DIP2C: variants seen among roughly 807,000 people sequenced by gnomAD.
DIP2C encodes disco-interacting protein 2 homolog C.
A neutral mutation model predicts 192.4 loss-of-function variants in DIP2C; 33 were observed. The observed-to-expected ratio is 0.17, with a 90% CI of 0.13 to 0.23. DIP2C has a LOEUF of 0.23. Among genes scored for constraint, DIP2C ranks in the 10% least tolerant of loss-of-function variants. The probability of loss-of-function intolerance (pLI) is 1.00; values close to 1 mark genes in which losing one functional copy is unlikely to be tolerated. For synonymous variants in DIP2C, 979 were observed against 864.1 expected, an observed-to-expected ratio of 1.13 and a Z score of -2.33; for missense variants, 1,537 against 2,110.1, an observed-to-expected ratio of 0.73 and a Z score of 5.32.
chr10:361,669 A>G (rs1959532047), intron 22 of DIP2C, among the ~76,000 whole-genome samples: 1 of 152,180 alleles, frequency 6.6e-6, no homozygotes, highest in Non-Finnish European at 1.5e-5. Flanking sequence ...GATACCCTGG[A>G]GAGCGCTGAC....
At chr10:426,841 C>T (rs1439730001) in intron 4 of DIP2C, among the ~76,000 whole-genome samples, 1 of 152,066 alleles carries the variant, frequency 6.6e-6, no homozygotes, top group African/African-American at 2.4e-5. Context: ...ATCCCCCAAA[C>T]CAAACCACAA....
intron 31 of DIP2C, among the ~76,000 whole-genome samples, chr10:324,080 G>A (rs947157276): frequency 3.3e-5 from 5 of 152,118 alleles, no homozygotes; most frequent in Admixed American, 2.6e-4. Context: ...GTTCCTGACT[G>A]CCCTCCCCCA....
At chr10:518,273 C>G (rs943237942) in intron 1 of DIP2C, among the ~76,000 whole-genome samples, 1 of 152,234 alleles carries the variant, frequency 6.6e-6, no homozygotes, top group East Asian at 1.9e-4. Context: ...CTGACTCCTT[C>G]GTGAAAAGCG....
At chr10:419,014 T>A (rs1321102698) in intron 6 of DIP2C, 51 bp downstream of exon 6, 1 of 1,612,664 alleles carries the variant, frequency 6.2e-7, no homozygotes, top group Admixed American at 1.7e-5. Flanking sequence ...GAACGGGACG[T>A]CAGCACAAAC....
intron 32 of DIP2C, among the ~76,000 whole-genome samples, chr10:301,385 G>A (rs1446527743): frequency 1.3e-5 from 2 of 152,202 alleles, no homozygotes; most frequent in African/African-American, 2.4e-5. Flanking sequence ...TTAAGCAGAC[G>A]GTAGATGGTT....
intron 1 of DIP2C, among the ~76,000 whole-genome samples, chr10:642,405 C>G (rs1324304455): frequency 6.6e-6 from 1 of 152,254 alleles, no homozygotes; most frequent in South Asian, 2.1e-4. Flanking sequence ...ACACGCCCAT[C>G]TCATCTAATG....
At chr10:536,373 C>G (rs71494914) in intron 1 of DIP2C, among the ~76,000 whole-genome samples, 9,462 of 151,262 alleles carry the variant, frequency 0.063, 410 homozygotes, top group Middle Eastern at 0.092. Context: ...ATAGGGACAT[C>G]ACAGTCCCGG....
chr10:499,117 C>T (rs948133837), intron 1 of DIP2C, among the ~76,000 whole-genome samples: 3 of 152,210 alleles, frequency 2.0e-5, no homozygotes, highest in Admixed American at 6.5e-5. Context: ...TCAATGAGAA[C>T]AGTATGGCTG....
intron 17 of DIP2C, among the ~76,000 whole-genome samples, chr10:378,195 A>G (rs1361769750): frequency 1.3e-5 from 2 of 152,242 alleles, no homozygotes; most frequent in Admixed American, 6.5e-5. Flanking sequence ...ACAAAATATA[A>G]CAGGACAGTG....
chr10:410,526 G>T (rs1965118411), intron 8 of DIP2C, among the ~76,000 whole-genome samples: 2 of 152,190 alleles, frequency 1.3e-5, no homozygotes, highest in Admixed American at 6.5e-5. Context: ...AATTCAGGGA[G>T]TATTTTTTCC....
chr10:507,016 AAG>A (rs922261554), intron 1 of DIP2C, among the ~76,000 whole-genome samples: 19 of 148,310 alleles, frequency 1.3e-4, no homozygotes, highest in African/African-American at 3.5e-4. Context: ...TGTGCACGAT[AAG>A]AGGTGTGAGG....
At chr10:385,137 G>A (rs75602032) in intron 14 of DIP2C, among the ~76,000 whole-genome samples, 9 of 145,838 alleles carry the variant, frequency 6.2e-5, no homozygotes, top group East Asian at 2.1e-4. Flanking sequence ...CACCGTGGAC[G>A]CCAGGCTGCA....
At chr10:556,831 T>C (rs1024397307) in intron 1 of DIP2C, among the ~76,000 whole-genome samples, 2 of 152,178 alleles carry the variant, frequency 1.3e-5, no homozygotes, top group African/African-American at 2.4e-5. Flanking sequence ...GAGAGGAACA[T>C]GCTGTGAGCC....
chr10:356,182 G>A, intron 24 of DIP2C: 12 of 591,826 alleles, frequency 2.0e-5, no homozygotes, highest in Non-Finnish European at 3.6e-5. Context: ...TCATTTTGGG[G>A]GAGAAATATT....
intron 1 of DIP2C, among the ~76,000 whole-genome samples, chr10:592,746 A>G (rs985934633): frequency 5.3e-5 from 8 of 152,104 alleles, no homozygotes; most frequent in Non-Finnish European, 1.2e-4. Context: ...ATTTTTCCCA[A>G]CTGTTCCTTT....
At chr10:427,415 G>T (rs1341728557) in intron 4 of DIP2C, among the ~76,000 whole-genome samples, 1 of 152,156 alleles carries the variant, frequency 6.6e-6, no homozygotes, top group African/African-American at 2.4e-5. Context: ...AGGTTCAAAA[G>T]CTCTGGGGAG....
intron 31 of DIP2C, among the ~76,000 whole-genome samples, chr10:323,692 A>G (rs555844444): frequency 6.6e-6 from 1 of 152,350 alleles, no homozygotes; most frequent in Non-Finnish European, 1.5e-5. Flanking sequence ...TTTATAAGCT[A>G]AAGTGTATTT....
chr10:352,099 G>T (rs1958840464), intron 24 of DIP2C, among the ~76,000 whole-genome samples: 1 of 152,234 alleles, frequency 6.6e-6, no homozygotes, highest in Non-Finnish European at 1.5e-5. Flanking sequence ...GCCCAGTCTG[G>T]TTTGTTCGGC....
chr10:337,727 G>T (rs1490869780), intron 29 of DIP2C, among the ~76,000 whole-genome samples: 13 of 151,028 alleles, frequency 8.6e-5, no homozygotes, highest in Admixed American at 5.3e-4. Context: ...AGGCTGATGT[G>T]TGTGTGTGTT....
Sources: allele counts gnomAD v4.1 joint callset (sites outside exome capture counted in the v4.1 genomes callset), GRCh38; gene constraint gnomAD v4.1.1; transcripts MANE v1.5; gene names NCBI Gene and HGNC (gene_info 2026-07-23, HGNC 2026-07-21).